Variants in PCDH15 observed in about 807,000 individuals in gnomAD.
PCDH15 encodes the protein protocadherin related 15, also known as protocadherin-15.
In PCDH15, 129 loss-of-function variants were observed where a neutral mutation model predicts 178.5. That is an observed-to-expected ratio of 0.72 (90% CI 0.63 to 0.84). The LOEUF (loss-of-function observed/expected upper bound fraction) is 0.84. Ranked by LOEUF, PCDH15 falls within the 40% of genes least tolerant of loss-of-function variation. The probability of loss-of-function intolerance (pLI) is 0.00; values close to 1 mark genes in which losing one functional copy is unlikely to be tolerated. For missense variants in PCDH15, 2,230 were observed against 2,099.9 expected, an observed-to-expected ratio of 1.06 and a Z score of -1.21; for synonymous variants, 800 against 732.0, an observed-to-expected ratio of 1.09 and a Z score of -1.50.
intron 1 of PCDH15, among the ~76,000 whole-genome samples, chr10:55,261,216 G>A (rs529162451): frequency 1.3e-5 from 2 of 152,286 alleles, no homozygotes; most frequent in African/African-American, 4.8e-5. Flanking sequence ...ACTCATGGTT[G>A]TGACATATGA....
intron 2 of PCDH15, among the ~76,000 whole-genome samples, chr10:55,621,955 T>C (rs1837400889): frequency 6.8e-6 from 1 of 146,960 alleles, no homozygotes; most frequent in Non-Finnish European, 1.5e-5. Flanking sequence ...AGATCATTCA[T>C]AGTTAAATAT....
chr10:55,516,835 T>A (rs938934542), intron 2 of PCDH15, among the ~76,000 whole-genome samples: 3 of 152,176 alleles, frequency 2.0e-5, no homozygotes, highest in Admixed American at 1.3e-4. Flanking sequence ...TTTCAGATTT[T>A]TTTTGTGAAT....
intron 1 of PCDH15, among the ~76,000 whole-genome samples, chr10:55,177,690 G>T (rs1456576048): frequency 1.3e-5 from 2 of 150,792 alleles, no homozygotes; most frequent in East Asian, 1.9e-4. Context: ...TCTGCTATTG[G>T]AGGGATCTAC....
chr10:54,199,289 G>C (rs571788321), intron 10 of PCDH15, among the ~76,000 whole-genome samples: 3 of 152,040 alleles, frequency 2.0e-5, no homozygotes, highest in Non-Finnish European at 4.4e-5. Flanking sequence ...GTCCAGATGT[G>C]AAAATGTGTA....
At chr10:55,148,733 G>C (rs1281710557) in intron 2 of PCDH15, among the ~76,000 whole-genome samples, 1 of 151,370 alleles carries the variant, frequency 6.6e-6, no homozygotes. Flanking sequence ...CACTGATAAT[G>C]TCTGTTAAGA....
chr10:55,443,277 A>T (rs1454801903), intron 2 of PCDH15, among the ~76,000 whole-genome samples: 1 of 152,186 alleles, frequency 6.6e-6, no homozygotes, highest in African/African-American at 2.4e-5. Context: ...ACAAAAGCCA[A>T]AATTGACAAA....
In PCDH15 at chr10:53,959,753, C is replaced by A. The variant is rs907693214; in HGVS notation, c.3101G>T (p.Arg1034Leu). The A allele has an allele frequency of 1.9e-6, 3 of 1,613,224 alleles. No homozygotes were observed. The highest frequency in any genetic ancestry group is 1.7e-6 in the Non-Finnish European group (2 of 1,179,378). Reference sequence around the variant, plus strand: ...ATACCTATATTCCTCCTGTGTGAAGCGTGGGATCTCACCAGGATGTAAGAC... The same window carrying A: ...ATACCTATATTCCTCCTGTGTGAAGAGTGGGATCTCACCAGGATGTAAGAC... ...ILVLHPGEIP[R>L]FTQEEYRPPP... The change falls in exon 23 of 38, where the codon CGC becomes CTC. Residue 1034 changes from arginine to leucine, a missense_variant. Transcript: ENST00000644397.
At chr10:54,053,734 GTGTT>G (rs1482666432) in intron 18 of PCDH15, among the ~76,000 whole-genome samples, 41 of 152,138 alleles carry the variant, frequency 2.7e-4, no homozygotes, top group Admixed American at 2.0e-3. Context: ...GGTGGGTACT[GTGTT>G]TTGTTTGTTC....
rs185879675 is a variant in PCDH15 at position 55,610,150 on chromosome 10, T to C, written c.-156+17475A>G. ...CATGGCTGAGTACATCAAGAAGAAGTTGCAAACTCTAAAAGCTGGAAGGCC... is the reference window on the plus strand; with the variant it reads ...CATGGCTGAGTACATCAAGAAGAAGCTGCAAACTCTAAAAGCTGGAAGGCC... On this transcript the variant is annotated intron_variant, in intron 2 of 5. Coordinates refer to the PCDH15 transcript ENST00000613346. 7.1e-4 allele frequency among the ~76,000 whole-genome samples: 108 copies of C among 152,150 alleles called. 1 individual carries two copies. The highest frequency in any genetic ancestry group is 2.3e-3 in the African/African-American group (95 of 41,540).
chr10:55,417,017 G>A (rs1409292876), intron 2 of PCDH15, among the ~76,000 whole-genome samples: 5 of 151,806 alleles, frequency 3.3e-5, no homozygotes, highest in African/African-American at 4.8e-5. Flanking sequence ...CTTTGTATGT[G>A]TCAAGCCTAG....
chr10:53,973,742 A>C (rs2089958291), intron 21 of PCDH15, among the ~76,000 whole-genome samples: 2 of 152,006 alleles, frequency 1.3e-5, no homozygotes, highest in Admixed American at 6.5e-5. Context: ...GATTTTTAAA[A>C]GATTTTTAGA....
chr10:54,329,404 T>C (rs1001980863), intron 7 of PCDH15, among the ~76,000 whole-genome samples, 192 bp downstream of exon 7: 1 of 151,902 alleles, frequency 6.6e-6, no homozygotes, highest in African/African-American at 2.4e-5. Context: ...GGTCAAAGAA[T>C]ACAGTGAATA....
chr10:54,069,114 T>G (rs530839152), intron 17 of PCDH15, among the ~76,000 whole-genome samples: 2 of 152,312 alleles, frequency 1.3e-5, no homozygotes, highest in African/African-American at 4.8e-5. Context: ...AGATGTGTTT[T>G]TTACAGTTGC....
intron 2 of PCDH15, among the ~76,000 whole-genome samples, chr10:54,985,925 C>G (rs1355098955): frequency 1.3e-5 from 2 of 152,184 alleles, no homozygotes; most frequent in Non-Finnish European, 2.9e-5. Context: ...AAAGTTGACA[C>G]TAGGTGGCGT....
intron 15 of PCDH15, among the ~76,000 whole-genome samples, chr10:54,119,687 TACAGCCACGTG>T (rs2095180997): frequency 6.6e-6 from 1 of 152,138 alleles, no homozygotes. Context: ...CACTAGGGCA[TACAGCCACGTG>T]ACTGTCCAAC....
chr10:54,690,310 CTTTTTTT>C (rs71014404), intron 1 of PCDH15, among the ~76,000 whole-genome samples: 1 of 126,136 alleles, frequency 7.9e-6, no homozygotes, highest in Non-Finnish European at 1.6e-5. Context: ...ACAAGACTAC[CTTTTTTT>C]TTTTTTTTTT....
At chr10:53,909,227 G>C (rs1057014278) in intron 25 of PCDH15, among the ~76,000 whole-genome samples, 3 of 152,062 alleles carry the variant, frequency 2.0e-5, no homozygotes, top group African/African-American at 7.2e-5. Context: ...TTGTGAAGAA[G>C]GTACTTGCTT....
intron 4 of PCDH15, among the ~76,000 whole-genome samples, chr10:54,375,832 T>C (rs377353884): frequency 0.028 from 3,216 of 114,282 alleles, 106 homozygotes; most frequent in African/African-American, 0.062. Flanking sequence ...ATTTTTGAAA[T>C]GGAATATATA....
intron 3 of PCDH15, among the ~76,000 whole-genome samples, chr10:54,872,557 G>T (rs1479319881): frequency 1.3e-5 from 2 of 152,022 alleles, no homozygotes; most frequent in South Asian, 2.1e-4. Flanking sequence ...GATTATTTCT[G>T]ACCGATAGTG....
Sources: gnomAD v4.1 joint callset for allele counts (sites outside exome capture counted in the v4.1 genomes callset) on GRCh38, gnomAD v4.1.1 for gene constraint, MANE v1.5 for transcripts, NCBI Gene and HGNC (gene_info 2026-07-23, HGNC 2026-07-21) for gene names.